Variants in MPDU1 observed in about 807,000 individuals in gnomAD.
MPDU1 encodes the protein mannose-P-dolichol utilization defect 1, also known as mannose-P-dolichol utilization defect 1 protein.
MPDU1 carries 18 observed loss-of-function variants against 27.6 expected under a neutral mutation model. The observed-to-expected ratio is 0.65, with a 90% CI of 0.45 to 0.97. The LOEUF is 0.97. Among genes scored for constraint, MPDU1 ranks in the 50% least tolerant of loss-of-function variants. The pLI is 0.00. For synonymous variants in MPDU1, 142 were observed against 131.1 expected, an observed-to-expected ratio of 1.08 and a Z score of -0.57; for missense variants, 279 against 297.4, an observed-to-expected ratio of 0.94 and a Z score of 0.46.
chr17:7,584,864 G>T (rs572515791), intron 1 of MPDU1, among the ~76,000 whole-genome samples: 70 of 152,208 alleles, frequency 4.6e-4, no homozygotes, highest in African/African-American at 1.6e-3. Flanking sequence ...GTTGTGGCAG[G>T]CGCCTGTAAT....
chr17:7,583,813 A>C (rs1477658851), upstream of MPDU1: 2 of 1,592,190 alleles, frequency 1.3e-6, no homozygotes, highest in South Asian at 2.2e-5. Context: ...CGCACGCGCA[A>C]CGAAAGTCAA....
intron 1 of MPDU1, 73 bp downstream of exon 1, chr17:7,584,038 C>A: frequency 6.9e-7 from 1 of 1,446,230 alleles, no homozygotes; most frequent in Non-Finnish European, 9.7e-7. Flanking sequence ...CCTTGATCGG[C>A]GACTAAGTGA....
At chr17:7,586,484 T>C (rs1395965699) in intron 3 of MPDU1, 25 of 642,552 alleles carry the variant, frequency 3.9e-5, no homozygotes, top group Non-Finnish European at 6.7e-5. Context: ...TTTTAAGCCC[T>C]TTTAGAAACC....
rs137983973 is a variant in MPDU1, at chr17:7,586,913, G to A, written c.403G>A (p.Ala135Thr). The change falls in exon 5 of 7, where the codon GCT (alanine) becomes ACT (threonine). Residue 135 changes from alanine to threonine, a missense_variant. Ala to Thr is a moderately conservative substitution (Grantham distance 58). Coordinates refer to ENST00000250124, the MANE Select transcript of MPDU1 (RefSeq NM_004870.4). ...CCCACCCCTAGGTGTCGCTTTCCTC[G>A]CTTGCTACGGCCTGGTCCTGCTGGT... ...GQTVKGVAFLACYGLVLLVLL... is the reference protein window; with the variant it reads ...GQTVKGVAFLTCYGLVLLVLL... The A allele has an allele frequency of 8.1e-6, 13 of 1,613,870 alleles. No individual in the cohort carries two copies. The highest frequency in any genetic ancestry group is 4.0e-5 in the African/African-American group (3 of 74,838).
chr17:7,585,272 G>T (rs527465491), intron 1 of MPDU1, among the ~76,000 whole-genome samples: 8 of 151,884 alleles, frequency 5.3e-5, no homozygotes, highest in Non-Finnish European at 1.0e-4. Flanking sequence ...GCGGTAGCTC[G>T]AGCTTATAAT....
In MPDU1 at chr17:7,586,726, A is replaced by T. The variant is rs1234299911; in HGVS notation, c.337A>T (p.Thr113Ser). The part of the protein sequence containing the change: ...WGEALFLMLQ[T>S]ITICFLVMHY... Reference sequence around the variant, plus strand: ...TGAAGCCTTATTCCTGATGCTCCAGACGATCACCATCTGCTTCCTGGTCAT... The same window carrying T: ...TGAAGCCTTATTCCTGATGCTCCAGTCGATCACCATCTGCTTCCTGGTCAT... Residue 113 changes from threonine to serine, a missense_variant, in exon 4 of 7, where the codon ACG becomes TCG. Physicochemically the swap from Thr to Ser is moderately conservative, Grantham distance 58 (BLOSUM62 1). Coordinates refer to ENST00000250124, the MANE Select transcript of MPDU1 (RefSeq NM_004870.4). 1 of 1,614,100 alleles carries T rather than the reference A, an allele frequency of 6.2e-7. No homozygotes were observed. Among genetic ancestry groups the T allele is most frequent in the Admixed American group, 1.7e-5 (1 of 60,016 alleles).
At chr17:7,584,091 C>T in intron 1 of MPDU1, 126 bp downstream of exon 1, 1 of 955,002 alleles carries the variant, frequency 1.0e-6, no homozygotes, top group South Asian at 1.3e-5. Flanking sequence ...GAAGTCACTT[C>T]TGAGAAGGGC....
In MPDU1 at chr17:7,587,731, G is replaced by T; in HGVS notation, c.*180G>T. 1 of 950,628 alleles carries T rather than the reference G, an allele frequency of 1.1e-6. No homozygotes were observed. The highest frequency in any genetic ancestry group is 1.6e-6 in the Non-Finnish European group (1 of 616,884). 58.9% of individuals were successfully genotyped at this position (950,628 alleles called of 1,614,324 possible). On this transcript the variant is annotated 3_prime_UTR_variant, in exon 7 of 7. Coordinates refer to ENST00000250124, the MANE Select transcript of MPDU1 (RefSeq NM_004870.4). ...TTGATGGATCCAGATCCTTAGAAAA[G>T]GAGAGGATGGGGGTAGAGTCTCCCA...
intron 1 of MPDU1, among the ~76,000 whole-genome samples, chr17:7,584,549 G>A (rs2071548405): frequency 6.6e-6 from 1 of 152,176 alleles, no homozygotes; most frequent in African/African-American, 2.4e-5. Context: ...TTCATGACCC[G>A]TGAGAGTCAG....
At chr17:7,585,596 C>T (rs1473379801) in intron 1 of MPDU1, 136 bp from the exon 2 acceptor site, 6 of 790,624 alleles carry the variant, frequency 7.6e-6, no homozygotes, top group Non-Finnish European at 1.3e-5. Flanking sequence ...TCTCACTGCC[C>T]TCCGCCTCTC....
chr17:7,587,423 C>A lies in MPDU1; in HGVS notation c.619-3C>A, dbSNP rs990852574. 3 of 1,614,014 alleles carry A rather than the reference C, an allele frequency of 1.9e-6. No individual in the cohort carries two copies. Among genetic ancestry groups the A allele is most frequent in the Admixed American group, 3.3e-5 (2 of 60,008 alleles). ...TAACCCTGGCTCTGTCTCTTGCAAC[C>A]AGGAAACCGGAGATCCCCTGATGGC... On this transcript the variant is annotated splice_polypyrimidine_tract_variant and splice_region_variant and intron_variant, in intron 6 of 6. Transcript: ENST00000250124.
At position 7,586,953 on chromosome 17, in the gene MPDU1, T is replaced by C; in HGVS notation, c.443T>C (p.Leu148Pro). 2 of 1,613,354 alleles carry C rather than the reference T, an allele frequency of 1.2e-6. No homozygotes were observed. The highest frequency in any genetic ancestry group is 1.7e-6 in the Non-Finnish European group (2 of 1,179,904). ...GLVLLVLLSPLTPLTVVTLLQ... is the reference protein window; with the variant it reads ...GLVLLVLLSPPTPLTVVTLLQ... ...GTCCTGCTGGTGCTTCTCTCACCTCTGACGCCCTTGACTGTAGTCACCCTG... is the reference window on the plus strand; with the variant it reads ...GTCCTGCTGGTGCTTCTCTCACCTCCGACGCCCTTGACTGTAGTCACCCTG... Residue 148 changes from leucine (L) to proline (P), a missense_variant, in exon 5 of 7, where the codon CTG becomes CCG. Coordinates refer to ENST00000250124, the MANE Select transcript of MPDU1 (RefSeq NM_004870.4).
At position 7,587,459 on chromosome 17, in the gene MPDU1, G is replaced by T. The variant is rs142953652; in HGVS notation, c.652G>T (p.Val218Leu). ...TGDPLMAGTF[V>L]VSSLCNGLIA... ...AGATCCCCTGATGGCTGGGACCTTT[G>T]TGGTCTCCTCTCTCTGCAACGGCCT... Residue 218 changes from valine to leucine, a missense_variant, in exon 7 of 7, where the codon GTG becomes TTG. Val to Leu is a conservative substitution (Grantham distance 32). Coordinates refer to ENST00000250124, the MANE Select transcript of MPDU1 (RefSeq NM_004870.4). The T allele has an allele frequency of 8.1e-4, 1,309 of 1,613,872 alleles. 26 individuals are homozygous for T. The South Asian group carries it at 0.013, about 17-fold the overall frequency.
chr17:7,587,693 T>G lies in MPDU1; in HGVS notation c.*142T>G, dbSNP rs747405299. On this transcript the variant is annotated 3_prime_UTR_variant, in exon 7 of 7. Coordinates refer to ENST00000250124, the MANE Select transcript of MPDU1 (RefSeq NM_004870.4). Reference sequence around the variant, plus strand: ...TTTCTGAGCCAGGGTTTTCTTTTAGTGGAAACAAATGGTTGATGGATCCAG... The same window carrying G: ...TTTCTGAGCCAGGGTTTTCTTTTAGGGGAAACAAATGGTTGATGGATCCAG... The G allele has an allele frequency of 3.4e-6, 4 of 1,175,562 alleles. No homozygotes were observed. The East Asian group carries it at 1.0e-4, about 30-fold the overall frequency. The allele number at this position is 1,175,562 out of a possible 1,614,324, so 72.8% of individuals were successfully genotyped here.
chr17:7,583,668 G>A (rs768472550), upstream of MPDU1: 6 of 734,094 alleles, frequency 8.2e-6, no homozygotes, highest in South Asian at 8.5e-5. Context: ...TTCCAACAGC[G>A]CGTCCAAAAC....
Position 7,587,411 on chromosome 17 carries a change from G to T in MPDU1, c.619-15G>T, listed in dbSNP as rs577907055. 2 of 1,613,992 alleles carry T rather than the reference G, an allele frequency of 1.2e-6. No individual in the cohort carries two copies. The highest frequency in any genetic ancestry group is 2.2e-5 in the South Asian group (2 of 91,082). On this transcript the variant is annotated splice_polypyrimidine_tract_variant and intron_variant, in intron 6 of 6. Coordinates refer to ENST00000250124, the MANE Select transcript of MPDU1 (RefSeq NM_004870.4). Reference sequence around the variant, plus strand: ...TATGCTGAAGGGTAACCCTGGCTCTGTCTCTTGCAACCAGGAAACCGGAGA... The same window carrying T: ...TATGCTGAAGGGTAACCCTGGCTCTTTCTCTTGCAACCAGGAAACCGGAGA...
At chr17:7,584,820 C>T (rs1191311760) in intron 1 of MPDU1, among the ~76,000 whole-genome samples, 3 of 151,748 alleles carry the variant, frequency 2.0e-5, no homozygotes, top group Non-Finnish European at 2.9e-5. Flanking sequence ...GGCGAAACCC[C>T]GCCTCTACTA....
chr17:7,585,589 C>CGGGGGG lies in MPDU1; in HGVS notation c.104-143_104-142insGGGGGG. ...GGAGCAGGAAGGACCAGGACTTTCT[C>CGGGGGG]ACTGCCCTCCGCCTCTCCTCCCCCC... On this transcript the variant is annotated intron_variant, in intron 1 of 6. Coordinates refer to ENST00000250124, the MANE Select transcript of MPDU1 (RefSeq NM_004870.4). The CGGGGGG allele has an allele frequency of 4.1e-6, 3 of 734,332 alleles. No individual in the cohort carries two copies. In the South Asian group the frequency reaches 4.7e-5, roughly 12 times the overall value. 45.5% of individuals were successfully genotyped at this position (734,332 alleles called of 1,614,324 possible). A position where few individuals can be genotyped will look rare whatever the true frequency, so the allele number is the denominator to read the frequency against.
intron 6 of MPDU1, 69 bp from the exon 7 acceptor site, chr17:7,587,357 C>T (rs1319246640): frequency 6.2e-7 from 1 of 1,613,702 alleles, no homozygotes; most frequent in African/African-American, 1.3e-5. Context: ...CGTGAGGAAC[C>T]TTTGTCCATA....
Sources: gnomAD v4.1 joint callset for allele counts (sites outside exome capture counted in the v4.1 genomes callset) on GRCh38, gnomAD v4.1.1 for gene constraint, MANE v1.5 for transcripts, NCBI Gene and HGNC (gene_info 2026-07-23, HGNC 2026-07-21) for gene names.